The following ASIC2 variants were observed in gnomAD, a reference collection of about 807,000 sequenced individuals.
ASIC2 encodes acid sensing ion channel subunit 2, also known as acid-sensing ion channel 2.
In ASIC2, 25 loss-of-function variants were observed where a neutral mutation model predicts 57.3. The ratio of observed to expected loss-of-function variants is 0.44; its 90% CI spans 0.32 to 0.61. The LOEUF (loss-of-function observed/expected upper bound fraction) is 0.61. ASIC2 is among the 20% of genes least tolerant of loss of function. The pLI is 0.06. For synonymous variants in ASIC2, 319 were observed against 307.5 expected (o/e 1.04, Z -0.39); for missense variants, 641 against 738.1 (o/e 0.87, Z 1.52).
At chr17:33,054,811 A>T (rs1405115963) in intron 3 of ASIC2, among the ~76,000 whole-genome samples, 1 of 152,230 alleles carries the variant, frequency 6.6e-6, no homozygotes, top group Non-Finnish European at 1.5e-5. Flanking sequence ...GTGATCAATT[A>T]TGCCACGGCA....
intron 1 of ASIC2, among the ~76,000 whole-genome samples, chr17:33,119,581 T>C (rs1255450441): frequency 1.3e-5 from 2 of 152,244 alleles, no homozygotes; most frequent in East Asian, 1.9e-4. Context: ...AGGAAGCTGC[T>C]GTAGATGGTT....
upstream of ASIC2, among the ~76,000 whole-genome samples, chr17:33,295,999 G>T (rs973309239): frequency 6.6e-6 from 1 of 151,892 alleles, no homozygotes; most frequent in African/African-American, 2.4e-5. Flanking sequence ...TACCATTGTT[G>T]ATGCAAATCC....
At chr17:33,172,834 G>T (rs1055329672) in intron 1 of ASIC2, among the ~76,000 whole-genome samples, 1 of 152,138 alleles carries the variant, frequency 6.6e-6, no homozygotes, top group African/African-American at 2.4e-5. Flanking sequence ...TGTGAGGTTG[G>T]GTCGTTTCAA....
intron 1 of ASIC2, among the ~76,000 whole-genome samples, chr17:33,886,577 CA>C (rs1161487521): frequency 2.0e-5 from 3 of 152,032 alleles, no homozygotes; most frequent in Non-Finnish European, 4.4e-5. Flanking sequence ...GGCAAAGAAG[CA>C]AAGGCTTAAG....
At chr17:33,241,230 A>G (rs1908496824) in intron 1 of ASIC2, among the ~76,000 whole-genome samples, 1 of 152,226 alleles carries the variant, frequency 6.6e-6, no homozygotes, top group Non-Finnish European at 1.5e-5. Flanking sequence ...AGTATTGGGT[A>G]CTTTATTAAG....
At chr17:33,957,838 A>T (rs1193805970) in intron 1 of ASIC2, among the ~76,000 whole-genome samples, 2 of 152,204 alleles carry the variant, frequency 1.3e-5, no homozygotes, top group Non-Finnish European at 2.9e-5. Flanking sequence ...TTAACTCAGA[A>T]GTCCACAGTC....
chr17:33,642,228 A>ACG (rs1906595406), intron 1 of ASIC2, among the ~76,000 whole-genome samples: 1 of 135,458 alleles, frequency 7.4e-6, no homozygotes, highest in Non-Finnish European at 1.6e-5. Context: ...CCCCACACAC[A>ACG]ATGGTTATGG....
At chr17:33,759,038 T>A (rs2142110745) in intron 1 of ASIC2, among the ~76,000 whole-genome samples, 1 of 152,090 alleles carries the variant, frequency 6.6e-6, no homozygotes, top group Admixed American at 6.5e-5. Flanking sequence ...AAAGCCTAGA[T>A]CCTAGTGAGG....
At chr17:33,397,652 C>G (rs1169579688) in intron 1 of ASIC2, among the ~76,000 whole-genome samples, 2 of 152,102 alleles carry the variant, frequency 1.3e-5, no homozygotes, top group East Asian at 3.9e-4. Flanking sequence ...GGATCTGGGA[C>G]AGGGTAGAGG....
intron 1 of ASIC2, among the ~76,000 whole-genome samples, chr17:33,334,439 A>C (rs1184783582): frequency 6.6e-6 from 1 of 152,136 alleles, no homozygotes; most frequent in Middle Eastern, 3.2e-3. Context: ...CAGCGGCTTC[A>C]GGTGTGGGAA....
At chr17:33,898,230 T>TTTTTTTTA (rs1915148953) in intron 1 of ASIC2, among the ~76,000 whole-genome samples, 1 of 46,010 alleles carries the variant, frequency 2.2e-5, no homozygotes, top group Admixed American at 1.8e-4. Flanking sequence ...CTTTTTTTTT[T>TTTTTTTTA]TTTTTTTTTT....
chr17:34,095,589 G>A (rs1910488404), intron 1 of ASIC2, among the ~76,000 whole-genome samples: 1 of 130,388 alleles, frequency 7.7e-6, no homozygotes, highest in South Asian at 2.4e-4. Context: ...GGAAGAGTTG[G>A]GGAGAAGCAG....
At chr17:33,672,762 C>A (rs1907678631) in intron 1 of ASIC2, among the ~76,000 whole-genome samples, 1 of 152,176 alleles carries the variant, frequency 6.6e-6, no homozygotes, top group South Asian at 2.1e-4. Context: ...AGAGATTCAA[C>A]TGGCAGCATT....
At chr17:34,034,799 T>C (rs1907794955) in intron 1 of ASIC2, among the ~76,000 whole-genome samples, 1 of 152,026 alleles carries the variant, frequency 6.6e-6, no homozygotes. Flanking sequence ...GGAATCCAAC[T>C]TATAAGGGAT....
chr17:33,568,048 A>G (rs8076303), intron 1 of ASIC2, among the ~76,000 whole-genome samples: 14,960 of 152,036 alleles, frequency 0.098, 1,914 homozygotes, highest in African/African-American at 0.3. Context: ...TTTATATTTG[A>G]TTACTCTTCA....
chr17:33,720,808 C>T (rs140043373), intron 1 of ASIC2, among the ~76,000 whole-genome samples: 7 of 152,230 alleles, frequency 4.6e-5, no homozygotes, highest in East Asian at 1.9e-4. Context: ...TGGGAGATCA[C>T]GGAGTAATGC....
intron 1 of ASIC2, among the ~76,000 whole-genome samples, chr17:33,558,004 T>G (rs1229486834): frequency 2.6e-5 from 4 of 151,812 alleles, no homozygotes; most frequent in Non-Finnish European, 5.9e-5. Context: ...AGTAGAAAAT[T>G]TACATTTATA....
chr17:33,189,993 C>T (rs566401525), intron 1 of ASIC2, among the ~76,000 whole-genome samples: 1 of 152,222 alleles, frequency 6.6e-6, no homozygotes, highest in East Asian at 1.9e-4. Flanking sequence ...AAAGTGTCTG[C>T]TCTCACCACA....
intron 2 of ASIC2, among the ~76,000 whole-genome samples, chr17:33,097,709 T>A (rs1365425782): frequency 6.6e-6 from 1 of 152,218 alleles, no homozygotes; most frequent in Non-Finnish European, 1.5e-5. Flanking sequence ...GAAGAAGAGT[T>A]TATTTGCAGT....
Sources: allele counts gnomAD v4.1 joint callset (sites outside exome capture counted in the v4.1 genomes callset), GRCh38; gene constraint gnomAD v4.1.1; transcripts MANE v1.5; gene names NCBI Gene and HGNC (gene_info 2026-07-23, HGNC 2026-07-21).